The following MSI2 variants were observed in gnomAD, a reference collection of about 807,000 sequenced individuals.
MSI2 encodes RNA-binding protein Musashi homolog 2.
Under a neutral mutation model 45.6 loss-of-function variants are expected in MSI2, and 17 were observed. The observed-to-expected ratio is 0.37, with a 90% CI of 0.26 to 0.56. The LOEUF (loss-of-function observed/expected upper bound fraction) is 0.56. Ranked by LOEUF, MSI2 falls within the 20% of genes least tolerant of loss-of-function variation. MSI2 has a pLI of 0.77. For missense variants in MSI2, 293 were observed against 444.2 expected (o/e 0.66, Z 3.06); for synonymous variants, 156 against 158.2 (o/e 0.99, Z 0.11).
At position 57,681,262 on chromosome 17, in the gene MSI2, GTAA is replaced by G. The variant is rs1180789501; in HGVS notation, c.*1748_*1750del. 6 of 182,918 alleles carry G rather than the reference GTAA, an allele frequency of 3.3e-5. No individual in the cohort carries two copies. The highest frequency in any genetic ancestry group is 7.0e-5 in the Non-Finnish European group (6 of 86,004). The allele number at this position is 182,918 out of a possible 1,614,324, so 11.3% of individuals were successfully genotyped here. A position where few individuals can be genotyped will look rare whatever the true frequency, so the allele number is the denominator to read the frequency against. ...TAATTTAACTTTTTTTTAAATATTG[GTAA>G]TAGGTCGGCAACAGCAACTATAGAA... On this transcript the variant is annotated 3_prime_UTR_variant, in exon 14 of 14. Transcript: ENST00000284073.
intron 11 of MSI2, among the ~76,000 whole-genome samples, chr17:57,673,838 CT>C (rs1913008978): frequency 6.6e-6 from 1 of 152,088 alleles, no homozygotes; most frequent in South Asian, 2.1e-4. Flanking sequence ...GCTGTTCTCA[CT>C]CTGGAGTTGA....
chr17:57,348,817 T>C (rs184541529), intron 5 of MSI2, among the ~76,000 whole-genome samples: 1 of 152,306 alleles, frequency 6.6e-6, no homozygotes, highest in East Asian at 1.9e-4. Context: ...GTGACATTCT[T>C]AGGTTGGTGT....
intron 5 of MSI2, among the ~76,000 whole-genome samples, chr17:57,354,512 AG>A (rs905882697): frequency 6.6e-6 from 1 of 151,788 alleles, no homozygotes; most frequent in Admixed American, 6.6e-5. Flanking sequence ...CAGGTGGGGG[AG>A]GGGTGTTTAA....
In MSI2 at chr17:57,407,866, C is replaced by T. The variant is rs1281212688; in HGVS notation, c.405+6395C>T. Among the ~76,000 whole-genome samples the T allele has an allele frequency of 6.6e-6, 1 of 152,256 alleles. No homozygotes were observed. The highest frequency in any genetic ancestry group is 1.5e-5 in the Non-Finnish European group (1 of 68,052). ...CTGCCTGGTTTGTGTCAGCATCTCC[C>T]TCTGGAAGTGTGTCATAAGGGGAGG... is the stretch of plus-strand genomic sequence containing the variant. On this transcript the variant is annotated intron_variant, in intron 6 of 13. Transcript: ENST00000284073. The surrounding 1 kb of genome is among the most constrained non-coding windows in gnomAD (Gnocchi z 4.1).
At chr17:57,480,252 C>G (rs1173650156) in intron 6 of MSI2, among the ~76,000 whole-genome samples, 1 of 152,174 alleles carries the variant, frequency 6.6e-6, no homozygotes, top group Non-Finnish European at 1.5e-5. Context: ...TGTGAGCCAC[C>G]ACGCCCAGCC....
intron 8 of MSI2, among the ~76,000 whole-genome samples, chr17:57,613,603 C>A (rs747511820): frequency 6.6e-6 from 1 of 152,138 alleles, no homozygotes; most frequent in Admixed American, 6.5e-5. Flanking sequence ...CAGAAAAATA[C>A]GTGCCAATTT....
At chr17:57,563,969 C>A (rs1190412325) in intron 7 of MSI2, among the ~76,000 whole-genome samples, 2 of 152,182 alleles carry the variant, frequency 1.3e-5, no homozygotes, top group African/African-American at 2.4e-5. Context: ...CCAGAATGGG[C>A]CTGGGCACCT....
chr17:57,413,683 A>G (rs1256126063), intron 6 of MSI2, among the ~76,000 whole-genome samples: 1 of 151,800 alleles, frequency 6.6e-6, no homozygotes, highest in African/African-American at 2.4e-5. Context: ...TCCTTTACAT[A>G]TGATTCTAAT....
intron 6 of MSI2, among the ~76,000 whole-genome samples, chr17:57,470,832 C>G (rs1432729380): frequency 1.3e-5 from 2 of 152,218 alleles, no homozygotes; most frequent in African/African-American, 4.8e-5. Flanking sequence ...ACCACTGTCA[C>G]TTGGGCAAGT....
chr17:57,490,205 C>T (rs528778647), intron 6 of MSI2, among the ~76,000 whole-genome samples: 6 of 152,274 alleles, frequency 3.9e-5, no homozygotes, highest in South Asian at 4.1e-4. Context: ...TGTATGATGC[C>T]TGCCACTCAG....
intron 5 of MSI2, among the ~76,000 whole-genome samples, chr17:57,302,503 T>TCCTTGTTC (rs1911496102): frequency 6.6e-6 from 1 of 152,212 alleles, no homozygotes; most frequent in African/African-American, 2.4e-5. Flanking sequence ...TTCCCAAGTG[T>TCCTTGTTC]ATTTTTGTTC....
At chr17:57,293,595 G>GTTTTTTTTTTTTTTTT (rs71139983) in intron 5 of MSI2, among the ~76,000 whole-genome samples, 3 of 134,724 alleles carry the variant, frequency 2.2e-5, no homozygotes, top group Non-Finnish European at 4.6e-5. Context: ...TTGTTTTTTT[G>GTTTTTTTTTTTTTTTT]TTTTTTTTTT....
intron 11 of MSI2, among the ~76,000 whole-genome samples, chr17:57,665,466 C>T (rs1912299603): frequency 6.6e-6 from 1 of 152,184 alleles, no homozygotes; most frequent in Non-Finnish European, 1.5e-5. Flanking sequence ...ACTTCAAGGA[C>T]ACAGAACTAT....
chr17:57,438,162 C>T (rs2084725107), intron 6 of MSI2, among the ~76,000 whole-genome samples: 1 of 152,130 alleles, frequency 6.6e-6, no homozygotes. Context: ...GTGGTTTAGC[C>T]CGAGCTGGGG....
chr17:57,323,313 T>G (rs1249874962), intron 5 of MSI2, among the ~76,000 whole-genome samples: 1 of 152,200 alleles, frequency 6.6e-6, no homozygotes, highest in Non-Finnish European at 1.5e-5. Context: ...ACTGATTTTT[T>G]TTCAGAGTTT....
At chr17:57,570,239 T>C (rs975540955) in intron 7 of MSI2, among the ~76,000 whole-genome samples, 3 of 152,172 alleles carry the variant, frequency 2.0e-5, no homozygotes, top group Admixed American at 2.0e-4. Flanking sequence ...AGGCCCCACC[T>C]CAGACCAAGT....
chr17:57,470,109 G>A (rs758426777), intron 6 of MSI2, among the ~76,000 whole-genome samples: 8 of 152,074 alleles, frequency 5.3e-5, no homozygotes, highest in Admixed American at 1.3e-4. Context: ...CCTGTCAGGT[G>A]CTGTCCTGCA....
intron 6 of MSI2, among the ~76,000 whole-genome samples, chr17:57,512,623 G>T (rs748996568): frequency 6.6e-6 from 1 of 152,176 alleles, no homozygotes; most frequent in Non-Finnish European, 1.5e-5. Context: ...ATCTCATGTC[G>T]GCACAAGCCT....
chr17:57,613,322 A>T (rs897987433), intron 8 of MSI2, among the ~76,000 whole-genome samples: 1 of 152,184 alleles, frequency 6.6e-6, no homozygotes. Context: ...TCCCGCTTGC[A>T]GTTAAAGAAA....
Sources: allele counts gnomAD v4.1 joint callset (sites outside exome capture counted in the v4.1 genomes callset), GRCh38; gene constraint gnomAD v4.1.1; non-coding constraint Gnocchi (gnomAD v3.1); transcripts MANE v1.5; gene names NCBI Gene and HGNC (gene_info 2026-07-23, HGNC 2026-07-21).